The following HSDL2 variants were observed in gnomAD, a reference collection of about 807,000 sequenced individuals.
HSDL2 encodes the protein hydroxysteroid dehydrogenase-like protein 2.
HSDL2 carries 27 observed loss-of-function variants against 46.3 expected under a neutral mutation model. The ratio of observed to expected loss-of-function variants is 0.58; its 90% CI spans 0.43 to 0.80. The LOEUF (loss-of-function observed/expected upper bound fraction) is 0.80. Among genes scored for constraint, HSDL2 ranks in the 30% least tolerant of loss-of-function variants. HSDL2 has a pLI of 0.00. For missense variants in HSDL2, 451 were observed against 502.7 expected (o/e 0.90, Z 0.98); for synonymous variants, 153 against 163.6 (o/e 0.94, Z 0.50).
At chr9:112,407,823 T>C (rs148892232) in intron 3 of HSDL2, among the ~76,000 whole-genome samples, 61 of 152,358 alleles carry the variant, frequency 4.0e-4, no homozygotes, top group Non-Finnish European at 7.6e-4. Flanking sequence ...GTTTATTATA[T>C]TGTTACACAA....
At chr9:112,466,032 A>G (rs1258984674) in intron 10 of HSDL2, among the ~76,000 whole-genome samples, 1 of 152,128 alleles carries the variant, frequency 6.6e-6, no homozygotes, top group Non-Finnish European at 1.5e-5. Flanking sequence ...ATTTTTCCAT[A>G]TTCTTGCACT....
At chr9:112,437,927 C>T (rs1321317382) in intron 6 of HSDL2, among the ~76,000 whole-genome samples, 2 of 152,190 alleles carry the variant, frequency 1.3e-5, no homozygotes, top group Non-Finnish European at 2.9e-5. Context: ...CATGTGTTTT[C>T]CACCCAGTTC....
chr9:112,461,588 A>G (rs1692018928), intron 10 of HSDL2, among the ~76,000 whole-genome samples: 1 of 152,256 alleles, frequency 6.6e-6, no homozygotes, highest in Non-Finnish European at 1.5e-5. Flanking sequence ...GTAATTATGT[A>G]TGATTTATTT....
At position 112,439,099 on chromosome 9, in the gene HSDL2, C is replaced by T. The variant is rs1398205717; in HGVS notation, c.793+474C>T. 2.0e-5 allele frequency among the ~76,000 whole-genome samples: 3 copies of T among 152,126 alleles called. No homozygotes were observed. In the East Asian group the frequency reaches 5.8e-4, roughly 29 times the overall value. ...CACTGCAACCTCTACCTCCCAGGCT[C>T]AAGCAATCCTTCCACCTCAGCCTCT... On this transcript the variant is annotated intron_variant, in intron 7 of 10. Transcript: ENST00000398805.
intron 1 of HSDL2, among the ~76,000 whole-genome samples, chr9:112,386,644 C>G (rs948924023): frequency 2.7e-5 from 4 of 149,848 alleles, no homozygotes; most frequent in Non-Finnish European, 5.9e-5. Context: ...ATTAACCAAG[C>G]GTGGTGATGC....
chr9:112,454,830 C>T (rs1340169431), intron 9 of HSDL2, among the ~76,000 whole-genome samples: 1 of 151,814 alleles, frequency 6.6e-6, no homozygotes, highest in Non-Finnish European at 1.5e-5. Flanking sequence ...CTCAGCCTCC[C>T]AAGTAGCTGG....
intron 1 of HSDL2, among the ~76,000 whole-genome samples, chr9:112,394,768 C>G (rs1013495903): frequency 6.6e-6 from 1 of 152,028 alleles, no homozygotes; most frequent in African/African-American, 2.4e-5. Context: ...GGTGGATGTC[C>G]GAGGCACAGA....
intron 7 of HSDL2, among the ~76,000 whole-genome samples, chr9:112,441,010 A>T (rs1169324734): frequency 2.0e-5 from 3 of 151,448 alleles, no homozygotes; most frequent in African/African-American, 4.8e-5. Context: ...TCCGTCTCAA[A>T]AAATAAATAA....
intron 6 of HSDL2, among the ~76,000 whole-genome samples, chr9:112,423,575 C>G (rs1832175487): frequency 6.6e-6 from 1 of 152,060 alleles, no homozygotes; most frequent in Admixed American, 6.6e-5. Context: ...TCCCAAAGTG[C>G]TGGGATTACA....
chr9:112,430,773 C>G (rs1832370070), intron 6 of HSDL2, among the ~76,000 whole-genome samples: 1 of 152,052 alleles, frequency 6.6e-6, no homozygotes, highest in South Asian at 2.1e-4. Flanking sequence ...GGAAAATAGC[C>G]TGGTGCGGTG....
At chr9:112,452,956 A>T (rs1003207734) in intron 8 of HSDL2, among the ~76,000 whole-genome samples, 3 of 152,144 alleles carry the variant, frequency 2.0e-5, no homozygotes. Context: ...TAGTCAGGGG[A>T]CTAACAGTTT....
intron 1 of HSDL2, among the ~76,000 whole-genome samples, chr9:112,395,105 G>C (rs1046340930): frequency 4.6e-5 from 7 of 152,150 alleles, no homozygotes; most frequent in African/African-American, 1.4e-4. Context: ...TTATTTTCAG[G>C]CTAATAGAAA....
Position 112,380,163 on chromosome 9 carries a change from C to T in HSDL2, c.-1C>T. On this transcript the variant is annotated 5_prime_UTR_variant, in exon 1 of 11. Coordinates refer to ENST00000398805, the MANE Select transcript of HSDL2 (RefSeq NM_032303.5). ...GCCACCTCCTCTGATCTACGAAAGT[C>T]ATGTTACCCAACACCGGGTAAGGGG... 1 of 1,573,608 alleles carries T rather than the reference C, an allele frequency of 6.4e-7. No homozygotes were observed. The highest frequency in any genetic ancestry group is 1.2e-5 in the South Asian group (1 of 86,678).
chr9:112,416,299 C>T (rs1297003231), intron 4 of HSDL2, among the ~76,000 whole-genome samples: 2 of 151,566 alleles, frequency 1.3e-5, no homozygotes, highest in African/African-American at 2.4e-5. Context: ...CATGCTGGCA[C>T]ATGCCTGTAG....
chr9:112,442,496 C>CA (rs1309827643), intron 8 of HSDL2, among the ~76,000 whole-genome samples: 1 of 152,050 alleles, frequency 6.6e-6, no homozygotes, highest in Admixed American at 6.6e-5. Flanking sequence ...TGAAAGAAAT[C>CA]AACTTCAAAG....
At chr9:112,467,371 C>T (rs373618977) in intron 10 of HSDL2, among the ~76,000 whole-genome samples, 18 of 152,080 alleles carry the variant, frequency 1.2e-4, no homozygotes, top group African/African-American at 4.3e-4. Flanking sequence ...TCCATAGACA[C>T]AGAGAGCTGT....
At chr9:112,448,920 G>A (rs1832812535) in intron 8 of HSDL2, among the ~76,000 whole-genome samples, 1 of 151,782 alleles carries the variant, frequency 6.6e-6, no homozygotes, top group African/African-American at 2.4e-5. Flanking sequence ...CTTTTCTGAA[G>A]TTATTTCTTT....
chr9:112,466,187 A>T (rs879442671), intron 10 of HSDL2, among the ~76,000 whole-genome samples: 1 of 152,178 alleles, frequency 6.6e-6, no homozygotes, highest in Non-Finnish European at 1.5e-5. Context: ...GATCAAAGGT[A>T]TTTCCTTGGA....
At chr9:112,466,338 A>G (rs1182461147) in intron 10 of HSDL2, among the ~76,000 whole-genome samples, 3 of 152,196 alleles carry the variant, frequency 2.0e-5, no homozygotes, top group Non-Finnish European at 2.9e-5. Context: ...AGATCACTTG[A>G]GGTCAGGACT....
Sources: gnomAD v4.1 joint callset for allele counts (sites outside exome capture counted in the v4.1 genomes callset) on GRCh38, gnomAD v4.1.1 for gene constraint, MANE v1.5 for transcripts, NCBI Gene and HGNC (gene_info 2026-07-23, HGNC 2026-07-21) for gene names.